CDS2: variants seen among roughly 807,000 people sequenced by gnomAD.
The protein encoded by CDS2 is phosphatidate cytidylyltransferase 2.
A neutral mutation model predicts 59.0 loss-of-function variants in CDS2; 47 were observed. That is an observed-to-expected ratio of 0.80 (90% CI 0.63 to 1.02). The LOEUF is 1.02. CDS2 is among the 50% of genes least tolerant of loss of function. The probability of loss-of-function intolerance (pLI) is 0.00; values close to 1 mark genes in which losing one functional copy is unlikely to be tolerated. For missense variants in CDS2, 356 were observed against 558.9 expected, an observed-to-expected ratio of 0.64 and a Z score of 3.66; for synonymous variants, 207 against 206.4, an observed-to-expected ratio of 1.00 and a Z score of -0.02.
Position 5,189,059 on chromosome 20 carries a change from C to T in CDS2, c.982-8C>T. 1.2e-6 allele frequency: 2 copies of T among 1,614,146 alleles called. No individual in the cohort carries two copies. Among genetic ancestry groups the T allele is most frequent in the Non-Finnish European group, 8.5e-7 (1 of 1,179,978 alleles). On this transcript the variant is annotated splice_region_variant and splice_polypyrimidine_tract_variant and intron_variant, in intron 10 of 12. Transcript: ENST00000460006. The stretch of plus-strand genomic sequence containing the variant: ...CACCTAAACTTTTACTTCATTTACT[C>T]TTCTCAGAAAACGGTCCGGATGTAC...
At chr20:5,186,955 GC>G in intron 10 of CDS2, 116 bp downstream of exon 10, 2 of 1,172,372 alleles carry the variant, frequency 1.7e-6, no homozygotes, top group Non-Finnish European at 2.5e-6. Context: ...AAAGCTGTAA[GC>G]CCCAGGATGA....
chr20:5,154,885 C>T (rs1037955628), intron 1 of CDS2, among the ~76,000 whole-genome samples: 3 of 152,182 alleles, frequency 2.0e-5, no homozygotes, highest in Non-Finnish European at 4.4e-5. Flanking sequence ...TGAGCTCAAG[C>T]GATCCGCCTG....
At chr20:5,141,897 T>C (rs1306940667) in intron 1 of CDS2, among the ~76,000 whole-genome samples, 2 of 151,816 alleles carry the variant, frequency 1.3e-5, no homozygotes, top group Non-Finnish European at 2.9e-5. Flanking sequence ...GTTGTTACAG[T>C]GTGAGAACAG....
intron 3 of CDS2, 176 bp from the exon 4 acceptor site, chr20:5,176,472 G>A: frequency 1.6e-6 from 1 of 606,332 alleles, no homozygotes; most frequent in East Asian, 2.8e-5. Flanking sequence ...GTGACATAGA[G>A]GGCTGCATTG....
At chr20:5,168,415 C>CCG (rs2082303293) in intron 1 of CDS2, among the ~76,000 whole-genome samples, 1 of 128,252 alleles carries the variant, frequency 7.8e-6, no homozygotes. Context: ...ACTCTGTCCC[C>CCG]CCAAAAAAAA....
At chr20:5,156,247 T>C (rs1470345629) in intron 1 of CDS2, among the ~76,000 whole-genome samples, 2 of 151,922 alleles carry the variant, frequency 1.3e-5, no homozygotes, top group Non-Finnish European at 2.9e-5. Flanking sequence ...TGAGGAGGTG[T>C]GTAGGGTAGG....
chr20:5,148,514 G>A (rs2090762169), intron 1 of CDS2, among the ~76,000 whole-genome samples: 1 of 152,194 alleles, frequency 6.6e-6, no homozygotes, highest in South Asian at 2.1e-4. Context: ...CTGGCCAGAT[G>A]TCTGATTGCT....
At chr20:5,145,445 A>G (rs572511590) in intron 1 of CDS2, among the ~76,000 whole-genome samples, 1 of 152,264 alleles carries the variant, frequency 6.6e-6, no homozygotes, top group African/African-American at 2.4e-5. Context: ...TTCAGTGTAC[A>G]GACCTTCAAT....
chr20:5,141,912 A>G (rs1420802683), intron 1 of CDS2, among the ~76,000 whole-genome samples: 2 of 151,974 alleles, frequency 1.3e-5, no homozygotes, highest in African/African-American at 2.4e-5. Context: ...GAACAGAGGG[A>G]AAAAAAACGA....
Position 5,176,737 on chromosome 20 carries a change from G to T in CDS2, c.381G>T (p.Thr127=), listed in dbSNP as rs145582118. The T allele has an allele frequency of 2.5e-6, 4 of 1,611,990 alleles. No individual in the cohort carries two copies. The highest frequency in any genetic ancestry group is 3.4e-6 in the Non-Finnish European group (4 of 1,178,212). ...YHSYDLPWFR[T]LSWYFLLCVN... ...CATATGATCTGCCCTGGTTCAGGACGCTCAGCTGGTAAGCTCTCCGGCCCC... is the reference window on the plus strand; with the variant it reads ...CATATGATCTGCCCTGGTTCAGGACTCTCAGCTGGTAAGCTCTCCGGCCCC... The change falls in exon 4 of 13, where the codon ACG becomes ACT. Residue 127 remains threonine (T), a synonymous_variant. Coordinates refer to ENST00000460006, the MANE Select transcript of CDS2 (RefSeq NM_003818.4).
intron 1 of CDS2, among the ~76,000 whole-genome samples, chr20:5,155,609 C>G (rs1252653136): frequency 1.3e-5 from 2 of 152,180 alleles, no homozygotes; most frequent in Non-Finnish European, 2.9e-5. Flanking sequence ...TGTCTAATCT[C>G]CTGCCTCTCT....
At position 5,191,105 on chromosome 20, in the gene CDS2, CTTCTCGTT is replaced by C. The variant is rs2123074635; in HGVS notation, c.*872_*879del. The C allele has an allele frequency of 6.5e-6, 1 of 152,742 alleles. No individual in the cohort carries two copies. The highest frequency in any genetic ancestry group is 2.1e-4 in the South Asian group (1 of 4,824). 9.5% of individuals were successfully genotyped at this position (152,742 alleles called of 1,614,324 possible). A position where few individuals can be genotyped will look rare whatever the true frequency, so the allele number is the denominator to read the frequency against. On this transcript the variant is annotated 3_prime_UTR_variant, in exon 13 of 13. Coordinates refer to ENST00000460006, the MANE Select transcript of CDS2 (RefSeq NM_003818.4). ...TTCTCATCGGGCAGGGAGCAGAGGG[CTTCTCGTT>C]CATGCACCCTTTGCCTGAACACCCA...
intron 1 of CDS2, among the ~76,000 whole-genome samples, chr20:5,134,334 G>C (rs1346128019): frequency 6.6e-6 from 1 of 152,198 alleles, no homozygotes; most frequent in African/African-American, 2.4e-5. Context: ...AACATTCACT[G>C]ACTGTAGGGT....
Position 5,190,343 on chromosome 20 carries a change from T to A in CDS2, c.*109T>A. 1.7e-5 allele frequency: 9 copies of A among 537,840 alleles called. No homozygotes were observed. The highest frequency in any genetic ancestry group is 2.3e-5 in the Non-Finnish European group (9 of 398,336). The allele number at this position is 537,840 out of a possible 1,614,324, so 33.3% of individuals were successfully genotyped here. On this transcript the variant is annotated 3_prime_UTR_variant, in exon 13 of 13. Transcript: ENST00000460006. The stretch of plus-strand genomic sequence containing the variant: ...ATGACGAGGCTTCAACTCACTGTCT[T>A]TTTTTTTTTTTTTTGGAGGGTATTT...
At chr20:5,179,219 T>C (rs746614011) in intron 5 of CDS2, among the ~76,000 whole-genome samples, 13 of 151,864 alleles carry the variant, frequency 8.6e-5, no homozygotes, top group Non-Finnish European at 1.5e-4. Context: ...CCTCCCAAGT[T>C]GAAGCGATCC....
intron 1 of CDS2, among the ~76,000 whole-genome samples, chr20:5,160,946 C>T (rs972999271): frequency 1.3e-5 from 2 of 152,098 alleles, no homozygotes; most frequent in Admixed American, 6.5e-5. Flanking sequence ...TTGTTCATTC[C>T]TTTGTTGATA....
chr20:5,166,775 C>G (rs2090916185), intron 1 of CDS2, among the ~76,000 whole-genome samples: 1 of 152,138 alleles, frequency 6.6e-6, no homozygotes, highest in East Asian at 1.9e-4. Flanking sequence ...TGACAAAGTC[C>G]TTGTTGACCT....
At position 5,196,436 on chromosome 20, in the gene CDS2, G is replaced by A. The variant is rs182723727; in HGVS notation, c.*6202G>A. On this transcript the variant is annotated 3_prime_UTR_variant, in exon 13 of 13. Transcript: ENST00000460006. ...GAATGCCTTTGCAGTGGTCTCCCGG[G>A]CATTGGGCAGGGCCTAGCCTTTTGC... is the stretch of plus-strand genomic sequence containing the variant. The A allele has an allele frequency of 6.6e-6, 1 of 152,302 alleles. No individual in the cohort carries two copies. Among genetic ancestry groups the A allele is most frequent in the East Asian group, 1.9e-4 (1 of 5,164 alleles). The allele number at this position is 152,302 out of a possible 1,614,324, so 9.4% of individuals were successfully genotyped here. A position where few individuals can be genotyped will look rare whatever the true frequency, so the allele number is the denominator to read the frequency against.
At position 5,127,012 on chromosome 20, in the gene CDS2, G is replaced by A. The variant is rs2090557252; in HGVS notation, c.-81G>A. 4 of 1,348,808 alleles carry A rather than the reference G, an allele frequency of 3.0e-6. No individual in the cohort carries two copies. The highest frequency in any genetic ancestry group is 1.5e-5 in the African/African-American group (1 of 65,290). The allele number at this position is 1,348,808 out of a possible 1,614,324, so 83.6% of individuals were successfully genotyped here. On this transcript the variant is annotated 5_prime_UTR_variant, in exon 1 of 13. Coordinates refer to ENST00000460006, the MANE Select transcript of CDS2 (RefSeq NM_003818.4). The stretch of plus-strand genomic sequence containing the variant: ...GGGCGGGGCGGGGCCGGCCGTGGGA[G>A]TCCGCGCGTGCCCGCGCCGAGCTGC...
Sources: gnomAD v4.1 joint callset for allele counts (sites outside exome capture counted in the v4.1 genomes callset) on GRCh38, gnomAD v4.1.1 for gene constraint, MANE v1.5 for transcripts, NCBI Gene and HGNC (gene_info 2026-07-23, HGNC 2026-07-21) for gene names.